Variants in MGAT5B observed in about 807,000 individuals in gnomAD.
MGAT5B encodes the protein N-acetylglucosaminyl-transferase Vb.
MGAT5B carries 54 observed loss-of-function variants against 95.1 expected under a neutral mutation model. That is an observed-to-expected ratio of 0.57 (90% CI 0.46 to 0.71). MGAT5B has a LOEUF of 0.71. Among genes scored for constraint, MGAT5B ranks in the 30% least tolerant of loss-of-function variants. MGAT5B has a pLI of 0.00. For missense variants in MGAT5B, 935 were observed against 1,088.6 expected, an observed-to-expected ratio of 0.86 and a Z score of 1.99; for synonymous variants, 464 against 451.0, an observed-to-expected ratio of 1.03 and a Z score of -0.36.
At chr17:76,882,395 GAGA>G (rs1967461681) in intron 3 of MGAT5B, 97 bp downstream of exon 3, 13 of 1,420,838 alleles carry the variant, frequency 9.1e-6, no homozygotes, top group African/African-American at 1.4e-5. Flanking sequence ...TGTGAATCTG[GAGA>G]AGATTTGGAC....
In MGAT5B at chr17:76,926,581, T is replaced by A; in HGVS notation, c.1158-16T>A. ...GGAGGTTGCTGACCCTGGTTCCTGGTCCCCTGGGGGGGCAGGTGCCGAATC... is the reference window on the plus strand; with the variant it reads ...GGAGGTTGCTGACCCTGGTTCCTGGACCCCTGGGGGGGCAGGTGCCGAATC... On this transcript the variant is annotated splice_polypyrimidine_tract_variant and intron_variant, in intron 9 of 17. Transcript: ENST00000569840. The A allele has an allele frequency of 6.2e-7, 1 of 1,602,944 alleles. No homozygotes were observed. The highest frequency in any genetic ancestry group is 8.5e-7 in the Non-Finnish European group (1 of 1,174,480).
chr17:76,905,538 G>GC lies in MGAT5B; in HGVS notation c.855+210dup, dbSNP rs926395467. ...TTTCAAGGTTGGGACCAAATGACAA[G>GC]CCCCCAAGAGGTCCTGCATTCTGTG... is the stretch of plus-strand genomic sequence containing the variant. On this transcript the variant is annotated intron_variant, in intron 7 of 17. Transcript: ENST00000569840. The surrounding 1 kb of genome is among the most constrained non-coding windows in gnomAD (Gnocchi z 4.2). Among the ~76,000 whole-genome samples the GC allele has an allele frequency of 5.9e-5, 9 of 152,168 alleles. No individual in the cohort carries two copies. Among genetic ancestry groups the GC allele is most frequent in the Non-Finnish European group, 8.8e-5 (6 of 68,016 alleles).
Position 76,915,445 on chromosome 17 carries a change from CG to C in MGAT5B, c.1025+9259del, listed in dbSNP as rs199693118. Among the ~76,000 whole-genome samples the C allele has an allele frequency of 4.6e-4, 70 of 152,142 alleles. 1 individual carries two copies. In the East Asian group the frequency reaches 0.012, roughly 26 times the overall value. On this transcript the variant is annotated intron_variant, in intron 8 of 17. Coordinates refer to ENST00000569840, the MANE Select transcript of MGAT5B (RefSeq NM_001199172.2). This position sits in a 1 kb window ranked among gnomAD's most constrained non-coding sequence, Gnocchi z 8.7. ...CAAGCCAGGTGGAGGCAGCGGGAGA[CG>C]CGAGGAAGTGGACAAGACCGAAAAA...
intron 3 of MGAT5B, among the ~76,000 whole-genome samples, chr17:76,890,174 C>T (rs527280443): frequency 5.3e-5 from 8 of 152,226 alleles, no homozygotes; most frequent in Non-Finnish European, 1.0e-4. Context: ...GGGTCACCCC[C>T]TCAGAAGGGG....
intron 8 of MGAT5B, among the ~76,000 whole-genome samples, chr17:76,922,314 C>A (rs1339726950): frequency 6.6e-6 from 1 of 152,126 alleles, no homozygotes; most frequent in Non-Finnish European, 1.5e-5. Context: ...GAGCAGCCAC[C>A]CCCTTCCTGG....
chr17:76,898,604 A>T (rs1348308030), intron 3 of MGAT5B, among the ~76,000 whole-genome samples: 1 of 151,806 alleles, frequency 6.6e-6, no homozygotes, highest in Non-Finnish European at 1.5e-5. Flanking sequence ...TGCCCGGCCC[A>T]TAATCTTTTT....
intron 10 of MGAT5B, among the ~76,000 whole-genome samples, chr17:76,927,351 TGCCTC>T (rs1453375087): frequency 2.0e-4 from 30 of 152,164 alleles, no homozygotes; most frequent in African/African-American, 7.2e-4. Flanking sequence ...GTGATCCTCC[TGCCTC>T]AGCCTCCCGA....
At chr17:76,910,201 T>C (rs1968684322) in intron 8 of MGAT5B, among the ~76,000 whole-genome samples, 2 of 152,174 alleles carry the variant, frequency 1.3e-5, no homozygotes, top group Admixed American at 1.3e-4. Context: ...GATCCAGCTG[T>C]TCGCACTGTG....
At chr17:76,903,919 A>G (rs765213411) in intron 5 of MGAT5B, among the ~76,000 whole-genome samples, 2 of 152,162 alleles carry the variant, frequency 1.3e-5, no homozygotes, top group African/African-American at 2.4e-5. Flanking sequence ...CTCTAGCCCA[A>G]TCCTGCTCTG....
chr17:76,943,634 T>C (rs1367972115), intron 15 of MGAT5B, among the ~76,000 whole-genome samples: 2 of 139,534 alleles, frequency 1.4e-5, no homozygotes, highest in African/African-American at 2.7e-5. Flanking sequence ...GGGGGGGGGG[T>C]CTCATTTTGT....
intron 3 of MGAT5B, among the ~76,000 whole-genome samples, chr17:76,887,920 T>G (rs557306359): frequency 6.6e-6 from 1 of 151,802 alleles, no homozygotes; most frequent in Non-Finnish European, 1.5e-5. Flanking sequence ...CGCTCCCTCA[T>G]GGCCCCCCAG....
At chr17:76,903,859 C>T (rs186402934) in intron 5 of MGAT5B, among the ~76,000 whole-genome samples, 60 of 152,300 alleles carry the variant, frequency 3.9e-4, no homozygotes, top group Non-Finnish European at 7.5e-4. Context: ...AGGTGGATCC[C>T]GCCCTGGCTC....
chr17:76,932,612 T>C, intron 10 of MGAT5B, 33 bp from the exon 11 acceptor site: 1 of 1,611,048 alleles, frequency 6.2e-7, no homozygotes, highest in South Asian at 1.1e-5. Context: ...GGTTGTTTGG[T>C]GACCCCATTC....
chr17:76,947,993 C>T lies in MGAT5B; in HGVS notation c.2087C>T (p.Pro696Leu), dbSNP rs777319430. 15 of 1,612,352 alleles carry T rather than the reference C, an allele frequency of 9.3e-6. No individual in the cohort carries two copies. In the South Asian group the frequency reaches 1.5e-4, roughly 17 times the overall value. Reference protein sequence around the residue: ...AHALRAWLAVPGRACTDTCLD... With the variant: ...AHALRAWLAVLGRACTDTCLD... ...GCCCTGCGGGCCTGGCTGGCCGTGC[C>T]TGGGAGGGCCTGCACCGACACCTGC... is the stretch of plus-strand genomic sequence containing the variant. Residue 696 changes from proline (P) to leucine (L), a missense_variant, in exon 17 of 18, where the codon CCT becomes CTT. This residue lies in a region of MGAT5B where 440 missense variants were observed against 523.6 expected (regional missense o/e 0.84). Coordinates refer to ENST00000569840, the MANE Select transcript of MGAT5B (RefSeq NM_001199172.2).
Position 76,917,287 on chromosome 17 carries a change from G to A in MGAT5B, c.1026-7679G>A, listed in dbSNP as rs149164714. ...CTGTGTCTCCGGCCTCTGCAGGGCCGTCCATAGTCATTTCTCAGCTGCCCC... is the reference window on the plus strand; with the variant it reads ...CTGTGTCTCCGGCCTCTGCAGGGCCATCCATAGTCATTTCTCAGCTGCCCC... On this transcript the variant is annotated intron_variant, in intron 8 of 17. Coordinates refer to ENST00000569840, the MANE Select transcript of MGAT5B (RefSeq NM_001199172.2). The surrounding 1 kb of genome is among the most constrained non-coding windows in gnomAD (Gnocchi z 6.1). Among the ~76,000 whole-genome samples, 144 of 151,902 alleles carry A rather than the reference G, an allele frequency of 9.5e-4. No homozygotes were observed. Among genetic ancestry groups the A allele is most frequent in the South Asian group, 8.5e-3 (41 of 4,798 alleles).
At chr17:76,947,801 C>A in intron 16 of MGAT5B, 29 bp from the exon 17 acceptor site, 1 of 1,517,336 alleles carries the variant, frequency 6.6e-7, no homozygotes, top group Non-Finnish European at 8.8e-7. Context: ...TCGCACTTCC[C>A]CACCCTGACA....
rs566357260 is a variant in MGAT5B, at chr17:76,938,106, C to A, written c.1547C>A (p.Pro516Gln). 1 of 1,614,128 alleles carries A rather than the reference C, an allele frequency of 6.2e-7. No homozygotes were observed. The highest frequency in any genetic ancestry group is 1.3e-5 in the African/African-American group (1 of 74,954). The change falls in exon 13 of 18, where the codon CCG becomes CAG. Residue 516 changes from proline (P) to glutamine (Q), a missense_variant. This residue lies in a region of MGAT5B where 440 missense variants were observed against 523.6 expected (regional missense o/e 0.84). Coordinates refer to ENST00000569840, the MANE Select transcript of MGAT5B (RefSeq NM_001199172.2). The surrounding 1 kb of genome is among the most constrained non-coding windows in gnomAD (Gnocchi z 4.3). ...PAFVKNHGLL[P>Q]QPEFQQLLRK... ...TTTGTGAAGAACCACGGCCTCTTAC[C>A]GCAGCCTGAGTTTCAGCAGCTGCTG... is the stretch of plus-strand genomic sequence containing the variant.
Position 76,902,567 on chromosome 17 carries a change from G to A in MGAT5B, c.342G>A (p.Gly114=). The change falls in exon 4 of 18, where the codon GGG becomes GGA. Residue 114 remains glycine, a synonymous_variant. Transcript: ENST00000569840. ...TTTTCCCACTTAGGATGCCCCCTGG[G>A]GCCGGCCTCATGGAGCGGATCCAGG... ...LHFPADRMPP[G]AGLMERIQAI... is the part of the protein sequence containing the mutation. The A allele has an allele frequency of 2.5e-6, 4 of 1,593,808 alleles. No homozygotes were observed. The South Asian group carries it at 3.4e-5, about 14-fold the overall frequency.
At chr17:76,891,472 T>G (rs1418231300) in intron 3 of MGAT5B, among the ~76,000 whole-genome samples, 1 of 151,084 alleles carries the variant, frequency 6.6e-6, no homozygotes, top group African/African-American at 2.4e-5. Flanking sequence ...CTCCGCCTTC[T>G]GGGTTCAAGC....
Sources: allele counts gnomAD v4.1 joint callset (sites outside exome capture counted in the v4.1 genomes callset), GRCh38; gene constraint gnomAD v4.1.1; regional missense constraint gnomAD v4.1.1; non-coding constraint Gnocchi (gnomAD v3.1); transcripts MANE v1.5; gene names NCBI Gene and HGNC (gene_info 2026-07-23, HGNC 2026-07-21).